Variants in OPN3 observed in about 807,000 individuals in gnomAD.
The protein encoded by OPN3 is opsin-3.
OPN3 carries 29 observed loss-of-function variants against 33.8 expected under a neutral mutation model. The observed-to-expected ratio is 0.86, with a 90% CI of 0.64 to 1.17. The LOEUF (loss-of-function observed/expected upper bound fraction) is 1.17. Ranked by LOEUF, OPN3 falls within the 50% of genes most tolerant of loss-of-function variation. The pLI, the probability that OPN3 is intolerant of heterozygous loss-of-function variation, is 0.00. For missense variants in OPN3, 437 were observed against 514.1 expected (o/e 0.85, Z 1.45); for synonymous variants, 216 against 216.1 (o/e 1.00, Z 0.00).
Position 241,622,391 on chromosome 1 carries a change from A to T in OPN3, c.373+17491T>A, listed in dbSNP as rs115101121. The stretch of plus-strand genomic sequence containing the variant: ...GTGTGCAAAATTTTAATGCTTTCTT[A>T]TAACTTGCCAAAATACTCACCAGAA... On this transcript the variant is annotated intron_variant, in intron 1 of 3. Coordinates refer to ENST00000366554, the MANE Select transcript of OPN3 (RefSeq NM_014322.3). Among the ~76,000 whole-genome samples the T allele has an allele frequency of 5.1e-3, 780 of 152,312 alleles. 3 individuals carry two copies. Among genetic ancestry groups the T allele is most frequent in the African/African-American group, 0.018 (740 of 41,566 alleles).
intron 1 of OPN3, chr1:241,628,721 C>T (rs1463959913): frequency 1.3e-5 from 2 of 152,020 alleles, no homozygotes; most frequent in Non-Finnish European, 2.9e-5. Flanking sequence ...TCCTCCCCAC[C>T]AAGATTTGTA....
intron 3 of OPN3, among the ~76,000 whole-genome samples, chr1:241,595,913 A>G (rs1033785406): frequency 1.3e-5 from 2 of 152,242 alleles, no homozygotes; most frequent in Non-Finnish European, 2.9e-5. Context: ...ACGTTTTTCC[A>G]TATAAATGGT....
chr1:241,636,145 A>G (rs1664888691), intron 1 of OPN3: 2 of 414,926 alleles, frequency 4.8e-6, no homozygotes, highest in Non-Finnish European at 8.5e-6. Flanking sequence ...TGCAACAATG[A>G]CAATCCATTG....
At chr1:241,630,074 A>G (rs1050628319) in intron 1 of OPN3, 3 of 152,102 alleles carry the variant, frequency 2.0e-5, no homozygotes, top group African/African-American at 4.8e-5. Flanking sequence ...CTTTGGATGT[A>G]GCTTTATATT....
At chr1:241,605,705 T>C (rs1298016615) in intron 1 of OPN3, among the ~76,000 whole-genome samples, 6 of 152,088 alleles carry the variant, frequency 3.9e-5, no homozygotes, top group Admixed American at 3.9e-4. Context: ...AAGGGAAGCA[T>C]TTGCACACAA....
At chr1:241,597,060 G>A (rs1176135410) in intron 3 of OPN3, among the ~76,000 whole-genome samples, 4 of 152,078 alleles carry the variant, frequency 2.6e-5, no homozygotes, top group Admixed American at 2.6e-4. Flanking sequence ...TGAACTCTTA[G>A]CTCAAGCAAT....
chr1:241,618,301 C>T (rs912381244), intron 1 of OPN3, among the ~76,000 whole-genome samples: 1 of 152,156 alleles, frequency 6.6e-6, no homozygotes, highest in African/African-American at 2.4e-5. Context: ...ATACGAAACT[C>T]CTGAGGAGAT....
chr1:241,604,046 T>C (rs139686336), intron 2 of OPN3, among the ~76,000 whole-genome samples: 15 of 152,268 alleles, frequency 9.9e-5, no homozygotes, highest in African/African-American at 3.6e-4. Context: ...TTCTTTTGGT[T>C]GAGAGAGGGA....
chr1:241,625,197 A>G (rs1168807184), intron 1 of OPN3, among the ~76,000 whole-genome samples: 1 of 152,210 alleles, frequency 6.6e-6, no homozygotes, highest in African/African-American at 2.4e-5. Context: ...TCTATAGTTA[A>G]CACCCATCTA....
intron 3 of OPN3, among the ~76,000 whole-genome samples, chr1:241,597,376 T>C (rs1663554785): frequency 6.6e-6 from 1 of 152,210 alleles, no homozygotes; most frequent in Admixed American, 6.5e-5. Flanking sequence ...AGTGCCTATT[T>C]TGTGGAGTTT....
intron 1 of OPN3, among the ~76,000 whole-genome samples, chr1:241,615,222 A>C (rs1664094104): frequency 6.6e-6 from 1 of 152,090 alleles, no homozygotes. Context: ...AAAAAAAAAA[A>C]AACAGTTGGA....
chr1:241,620,788 T>C (rs979206534), intron 1 of OPN3, among the ~76,000 whole-genome samples: 2 of 152,184 alleles, frequency 1.3e-5, no homozygotes, highest in African/African-American at 4.8e-5. Context: ...TACACTTACA[T>C]CTCAGTATAA....
At chr1:241,604,225 G>A (rs758470030) in intron 2 of OPN3, 35 bp downstream of exon 2, 2 of 1,583,904 alleles carry the variant, frequency 1.3e-6, no homozygotes, top group East Asian at 4.5e-5. Flanking sequence ...CCTGGATGTG[G>A]TTTGGGAGGG....
chr1:241,623,743 T>C (rs972031113), intron 1 of OPN3, among the ~76,000 whole-genome samples: 2 of 152,226 alleles, frequency 1.3e-5, no homozygotes, highest in African/African-American at 4.8e-5. Flanking sequence ...CTTCAAATTG[T>C]TCTCTGCCTC....
At chr1:241,635,840 G>C (rs536486529) in intron 1 of OPN3, 1 of 1,434,034 alleles carries the variant, frequency 7.0e-7, no homozygotes, top group African/African-American at 1.4e-5. Context: ...AATAAAATCT[G>C]TCCTTCTGAT....
intron 3 of OPN3, 22 bp downstream of exon 3, chr1:241,597,724 A>G (rs767152781): frequency 1.2e-6 from 2 of 1,606,396 alleles, no homozygotes; most frequent in Non-Finnish European, 1.7e-6. Flanking sequence ...GGTGAAAACA[A>G]TCAGTTAATT....
intron 1 of OPN3, among the ~76,000 whole-genome samples, chr1:241,624,096 C>T (rs1461284623): frequency 1.3e-5 from 2 of 150,066 alleles, no homozygotes; most frequent in East Asian, 3.9e-4. Flanking sequence ...TGTGGACCCT[C>T]TTCCACCTGT....
intron 1 of OPN3, among the ~76,000 whole-genome samples, chr1:241,607,989 T>C (rs1663887720): frequency 6.6e-6 from 1 of 152,254 alleles, no homozygotes; most frequent in African/African-American, 2.4e-5. Context: ...CCTGATTAGA[T>C]TCCTAGAAAA....
In OPN3 at chr1:241,596,997, CTTT is replaced by C. The variant is rs66972551; in HGVS notation, c.945+746_945+748del. Among the ~76,000 whole-genome samples, 9 of 146,864 alleles carry C rather than the reference CTTT, an allele frequency of 6.1e-5. 1 individual carries two copies. The South Asian group carries it at 8.6e-4, about 14-fold the overall frequency. On this transcript the variant is annotated intron_variant, in intron 3 of 3. Transcript: ENST00000366554. ...TGCCACCATGCCCAGCTAATTTTTT[CTTT>C]TTTTTTTTTGAGAGAGCGGGGCATC...
Sources: gnomAD v4.1 joint callset for allele counts (sites outside exome capture counted in the v4.1 genomes callset) on GRCh38, gnomAD v4.1.1 for gene constraint, MANE v1.5 for transcripts, NCBI Gene and HGNC (gene_info 2026-07-23, HGNC 2026-07-21) for gene names.